Variants in CCDC126 observed in about 807,000 individuals in gnomAD.
The protein encoded by CCDC126 is coiled-coil domain containing 126.
Under a neutral mutation model 11.7 loss-of-function variants are expected in CCDC126, and 5 were observed. That is an observed-to-expected ratio of 0.43 (90% CI 0.22 to 0.90). The LOEUF (loss-of-function observed/expected upper bound fraction) is 0.90, where lower values mean the gene tolerates loss of function less well. CCDC126 is among the 40% of genes least tolerant of loss of function. The probability of loss-of-function intolerance (pLI) is 0.27; values close to 1 mark genes in which losing one functional copy is unlikely to be tolerated. For synonymous variants in CCDC126, 60 were observed against 61.9 expected (o/e 0.97, Z 0.14); for missense variants, 150 against 163.1 (o/e 0.92, Z 0.44).
At chr7:23,597,707 C>G (rs1584188615) in intron 1 of CCDC126, 102 bp downstream of exon 1, 1 of 152,656 alleles carries the variant, frequency 6.6e-6, no homozygotes, top group South Asian at 1.9e-4. Flanking sequence ...TCCCCGGTCC[C>G]CGCCCCGCTA....
At chr7:23,606,478 G>A (rs1025516172) in intron 2 of CCDC126, among the ~76,000 whole-genome samples, 1 of 152,140 alleles carries the variant, frequency 6.6e-6, no homozygotes, top group Non-Finnish European at 1.5e-5. Context: ...GCTCTGAGAA[G>A]AATGGATTGA....
At chr7:23,629,185 T>C (rs1783063285) in intron 3 of CCDC126, among the ~76,000 whole-genome samples, 2 of 152,218 alleles carry the variant, frequency 1.3e-5, no homozygotes. Flanking sequence ...TGTTGAAACC[T>C]AATTTGGTAG....
chr7:23,604,648 T>G (rs977937766), intron 2 of CCDC126, among the ~76,000 whole-genome samples: 9 of 152,098 alleles, frequency 5.9e-5, no homozygotes, highest in African/African-American at 2.2e-4. Flanking sequence ...ATATCAGGCC[T>G]TAGGGAGATA....
At chr7:23,642,825 T>C in intron 3 of CCDC126, 106 bp from the exon 4 acceptor site, 1 of 894,578 alleles carries the variant, frequency 1.1e-6, no homozygotes, top group Non-Finnish European at 1.7e-6. Flanking sequence ...CTAGTACATT[T>C]TCCCTCAGAT....
chr7:23,627,549 G>A (rs966102366), intron 3 of CCDC126, among the ~76,000 whole-genome samples: 2 of 150,892 alleles, frequency 1.3e-5, no homozygotes, highest in African/African-American at 2.4e-5. Flanking sequence ...CCTGGGTGAC[G>A]AGAGTGAGAC....
intron 3 of CCDC126, among the ~76,000 whole-genome samples, chr7:23,627,643 G>A (rs1306297669): frequency 6.6e-6 from 1 of 151,996 alleles, no homozygotes; most frequent in Non-Finnish European, 1.5e-5. Context: ...CTGTCACCCA[G>A]GCTGGAGTAC....
chr7:23,598,392 C>G (rs921942886), intron 2 of CCDC126: 20 of 152,206 alleles, frequency 1.3e-4, no homozygotes, highest in African/African-American at 4.6e-4. Flanking sequence ...GTGTTCTTCA[C>G]TTTATCTTAA....
At chr7:23,641,881 C>T (rs1317419542) in intron 3 of CCDC126, among the ~76,000 whole-genome samples, 1 of 152,208 alleles carries the variant, frequency 6.6e-6, no homozygotes, top group Non-Finnish European at 1.5e-5. Context: ...CTGCACTGAA[C>T]AGGTTCCTGG....
At chr7:23,617,483 TTGTC>T (rs1782816192) in intron 3 of CCDC126, among the ~76,000 whole-genome samples, 1 of 152,134 alleles carries the variant, frequency 6.6e-6, no homozygotes, top group Non-Finnish European at 1.5e-5. Flanking sequence ...TCCTTATTCT[TTGTC>T]TGTATTTGAG....
intron 3 of CCDC126, among the ~76,000 whole-genome samples, chr7:23,626,564 C>G (rs545172338): frequency 6.6e-6 from 1 of 151,876 alleles, no homozygotes; most frequent in African/African-American, 2.4e-5. Context: ...TAGATAAACA[C>G]GTGTCTTGGG....
At chr7:23,622,551 T>A in intron 3 of CCDC126, 1 of 534,650 alleles carries the variant, frequency 1.9e-6, no homozygotes, top group South Asian at 1.4e-5. Flanking sequence ...GCCAGGTGTA[T>A]CCCTTGTGTA....
intron 3 of CCDC126, among the ~76,000 whole-genome samples, chr7:23,638,972 G>T (rs1168603502): frequency 6.7e-6 from 1 of 150,232 alleles, no homozygotes; most frequent in Non-Finnish European, 1.5e-5. Context: ...CAGTATTTAT[G>T]ATTTAGTCTT....
At chr7:23,621,882 T>A (rs909452502) in intron 3 of CCDC126, among the ~76,000 whole-genome samples, 1 of 152,194 alleles carries the variant, frequency 6.6e-6, no homozygotes, top group African/African-American at 2.4e-5. Flanking sequence ...CTGGATTATG[T>A]TCATTGATTT....
intron 3 of CCDC126, among the ~76,000 whole-genome samples, chr7:23,640,616 A>G (rs946315392): frequency 2.6e-5 from 4 of 152,174 alleles, no homozygotes; most frequent in African/African-American, 7.2e-5. Context: ...CAAGAAATCT[A>G]TAAAATTTGA....
At chr7:23,606,118 G>A (rs971032197) in intron 2 of CCDC126, among the ~76,000 whole-genome samples, 3 of 151,928 alleles carry the variant, frequency 2.0e-5, no homozygotes, top group Admixed American at 6.6e-5. Flanking sequence ...GAGTGCAGTC[G>A]CGTGATCTCT....
intron 3 of CCDC126, among the ~76,000 whole-genome samples, chr7:23,640,953 T>C (rs1008911232): frequency 6.6e-6 from 1 of 152,006 alleles, no homozygotes; most frequent in African/African-American, 2.4e-5. Context: ...GAAATGAACA[T>C]TGGTGTATAA....
At chr7:23,605,436 TGTGTGTGG>T (rs1782607987) in intron 2 of CCDC126, among the ~76,000 whole-genome samples, 2 of 76,828 alleles carry the variant, frequency 2.6e-5, no homozygotes, top group East Asian at 3.9e-4. Flanking sequence ...TGTGTGTGTG[TGTGTGTGG>T]TAAAAAAATA....
Position 23,643,217 on chromosome 7 carries a change from A to G in CCDC126, c.*102A>G, listed in dbSNP as rs1783397732. The stretch of plus-strand genomic sequence containing the variant: ...TTAGGACAGAGCAATACTTTACAAT[A>G]AAAGCTCTACACATTTTCAAGGAGT... On this transcript the variant is annotated 3_prime_UTR_variant, in exon 4 of 4. Coordinates refer to ENST00000307471, the MANE Select transcript of CCDC126 (RefSeq NM_138771.4). 1.0e-6 allele frequency: 1 copy of G among 976,774 alleles called. No homozygotes were observed. 60.5% of individuals were successfully genotyped at this position (976,774 alleles called of 1,614,324 possible).
chr7:23,605,269 A>G (rs961775524), intron 2 of CCDC126, among the ~76,000 whole-genome samples: 5 of 152,046 alleles, frequency 3.3e-5, no homozygotes, highest in African/African-American at 7.2e-5. Context: ...ACAAAGAGAA[A>G]TGGGTAGAAG....
Sources: gnomAD v4.1 joint callset for allele counts (sites outside exome capture counted in the v4.1 genomes callset) on GRCh38, gnomAD v4.1.1 for gene constraint, MANE v1.5 for transcripts, NCBI Gene and HGNC (gene_info 2026-07-23, HGNC 2026-07-21) for gene names.